RBFOX1: variants seen among roughly 807,000 people sequenced by gnomAD.
RBFOX1 encodes RNA binding fox-1 homolog 1, also known as RNA binding protein fox-1 homolog 1.
A neutral mutation model predicts 57.7 loss-of-function variants in RBFOX1; 8 were observed. The observed-to-expected ratio is 0.14, with a 90% CI of 0.08 to 0.25. The LOEUF (loss-of-function observed/expected upper bound fraction) is 0.25, where lower values mean the gene tolerates loss of function less well. Ranked by LOEUF, RBFOX1 falls within the 10% of genes least tolerant of loss-of-function variation. The pLI is 1.00. For missense variants in RBFOX1, 611 were observed against 548.5 expected (o/e 1.11, Z -1.14); for synonymous variants, 326 against 222.4 (o/e 1.47, Z -4.15).
chr16:6,542,987 C>G (rs576328381), intron 2 of RBFOX1, among the ~76,000 whole-genome samples: 1 of 152,262 alleles, frequency 6.6e-6, no homozygotes, highest in South Asian at 2.1e-4. Flanking sequence ...ATGCCCTACT[C>G]TTTATCATTC....
intron 3 of RBFOX1, among the ~76,000 whole-genome samples, chr16:5,713,707 C>G (rs549867160): frequency 6.6e-5 from 10 of 152,288 alleles, no homozygotes; most frequent in African/African-American, 2.4e-4. Context: ...ATTGTGGTGT[C>G]TGGACGCACA....
At chr16:6,678,097 T>A (rs1419599595) in intron 3 of RBFOX1, among the ~76,000 whole-genome samples, 8 of 152,238 alleles carry the variant, frequency 5.3e-5, no homozygotes, top group Non-Finnish European at 1.2e-4. Flanking sequence ...ATTCTCATCA[T>A]CTACTTAAAT....
At chr16:6,332,415 CAG>C (rs2083152382) in intron 2 of RBFOX1, among the ~76,000 whole-genome samples, 1 of 152,042 alleles carries the variant, frequency 6.6e-6, no homozygotes, top group African/African-American at 2.4e-5. Context: ...AATGCACAAA[CAG>C]ATATTAGAAA....
chr16:7,702,529 A>G (rs1265797580), intron 14 of RBFOX1, among the ~76,000 whole-genome samples: 1 of 152,214 alleles, frequency 6.6e-6, no homozygotes, highest in East Asian at 1.9e-4. Flanking sequence ...ATAACAGTTT[A>G]TGATTGACAA....
chr16:5,286,143 G>T (rs756013117), intron 1 of RBFOX1, among the ~76,000 whole-genome samples: 2 of 152,142 alleles, frequency 1.3e-5, no homozygotes, highest in African/African-American at 2.4e-5. Context: ...TTGTCCTTCG[G>T]CATCATTGGT....
intron 10 of RBFOX1, among the ~76,000 whole-genome samples, chr16:7,629,468 G>C (rs772359542): frequency 6.6e-6 from 1 of 152,144 alleles, no homozygotes; most frequent in Non-Finnish European, 1.5e-5. Flanking sequence ...TTGCGGTCCT[G>C]ACAGGGGAAT....
At chr16:5,535,241 A>G (rs912002862) in intron 2 of RBFOX1, among the ~76,000 whole-genome samples, 5 of 152,294 alleles carry the variant, frequency 3.3e-5, no homozygotes, top group East Asian at 1.9e-4. Flanking sequence ...GTTTACTGCA[A>G]TGAACAGCTC....
rs532730787 is a variant in RBFOX1, at chr16:7,456,881, A to G, written c.28-61266A>G. 2.0e-5 allele frequency among the ~76,000 whole-genome samples: 3 copies of G among 149,380 alleles called. No individual in the cohort carries two copies. The East Asian group carries it at 5.9e-4, about 29-fold the overall frequency. On this transcript the variant is annotated intron_variant, in intron 4 of 15. Coordinates refer to ENST00000550418, the MANE Select transcript of RBFOX1 (RefSeq NM_018723.4). Reference sequence around the variant, plus strand: ...ATATTTTGGGTATTCTTCCACTCGGAAGGTGTACTTTTTTTCTTTTTTTTT... The same window carrying G: ...ATATTTTGGGTATTCTTCCACTCGGGAGGTGTACTTTTTTTCTTTTTTTTT...
chr16:5,960,912 A>G (rs1215454702), intron 4 of RBFOX1, among the ~76,000 whole-genome samples: 1 of 152,186 alleles, frequency 6.6e-6, no homozygotes, highest in African/African-American at 2.4e-5. Flanking sequence ...AGCCCATTAA[A>G]CAGAAGGTGG....
At chr16:7,510,169 C>G (rs2074623032) in intron 4 of RBFOX1, 1 of 985,674 alleles carries the variant, frequency 1.0e-6, no homozygotes. Flanking sequence ...CCCCACCTTC[C>G]TCAACACCCC....
At chr16:7,395,911 C>T (rs2098131787) in intron 4 of RBFOX1, among the ~76,000 whole-genome samples, 1 of 152,040 alleles carries the variant, frequency 6.6e-6, no homozygotes, top group African/African-American at 2.4e-5. Flanking sequence ...AGAGTAAGTG[C>T]CAGGGTTATC....
intron 1 of RBFOX1, 146 bp downstream of exon 1, chr16:6,020,138 G>T: frequency 3.0e-6 from 3 of 1,002,430 alleles, no homozygotes; most frequent in Non-Finnish European, 4.0e-6. Context: ...AACTTTTTCA[G>T]GGTGTGTGGA....
At chr16:6,554,238 A>G (rs1221027575) in intron 2 of RBFOX1, among the ~76,000 whole-genome samples, 4 of 152,192 alleles carry the variant, frequency 2.6e-5, no homozygotes, top group Non-Finnish European at 5.9e-5. Flanking sequence ...ACCAATGGAG[A>G]AAGAAGCTGG....
intron 1 of RBFOX1, among the ~76,000 whole-genome samples, chr16:6,238,582 A>T (rs1285392237): frequency 6.6e-6 from 1 of 152,136 alleles, no homozygotes; most frequent in Non-Finnish European, 1.5e-5. Flanking sequence ...GTGATTCTCA[A>T]CCCTGGCTTC....
chr16:7,346,667 C>T (rs1263002338), intron 4 of RBFOX1, among the ~76,000 whole-genome samples: 1 of 151,970 alleles, frequency 6.6e-6, no homozygotes, highest in Non-Finnish European at 1.5e-5. Flanking sequence ...GTGTTCAGAT[C>T]TGCCCTGTTA....
At chr16:6,978,620 C>G (rs534913781) in intron 3 of RBFOX1, among the ~76,000 whole-genome samples, 3 of 152,122 alleles carry the variant, frequency 2.0e-5, no homozygotes, top group Non-Finnish European at 2.9e-5. Context: ...CACATATTTT[C>G]TCTTGTAATC....
exon 3 of RBFOX1, chr16:5,599,514 A>C (rs1442031137): frequency 2.3e-6 from 1 of 425,866 alleles, no homozygotes; most frequent in Non-Finnish European, 4.1e-6. Flanking sequence ...TACTTCTGAA[A>C]TCACTCATGC....
chr16:6,228,244 A>T (rs2097432068), intron 1 of RBFOX1, among the ~76,000 whole-genome samples: 1 of 151,980 alleles, frequency 6.6e-6, no homozygotes, highest in Non-Finnish European at 1.5e-5. Flanking sequence ...AATCGCTTGA[A>T]CCTGGGAGGC....
chr16:5,482,385 C>T (rs2069575988), intron 2 of RBFOX1, among the ~76,000 whole-genome samples: 1 of 152,140 alleles, frequency 6.6e-6, no homozygotes, highest in African/African-American at 2.4e-5. Context: ...GTATGTTTGG[C>T]TATTTCTCCT....
Sources: gnomAD v4.1 joint callset for allele counts (sites outside exome capture counted in the v4.1 genomes callset) on GRCh38, gnomAD v4.1.1 for gene constraint, MANE v1.5 for transcripts, NCBI Gene and HGNC (gene_info 2026-07-23, HGNC 2026-07-21) for gene names.